SUGCT: variants seen among roughly 807,000 people sequenced by gnomAD.
The protein encoded by SUGCT is succinyl-CoA:glutarate-CoA transferase.
SUGCT carries 41 observed loss-of-function variants against 55.0 expected under a neutral mutation model. The ratio of observed to expected loss-of-function variants is 0.74; its 90% confidence interval spans 0.58 to 0.97. The LOEUF is 0.97. SUGCT is among the 50% of genes least tolerant of loss of function. SUGCT has a pLI of 0.00. For missense variants in SUGCT, 568 were observed against 547.8 expected, an observed-to-expected ratio of 1.04 and a Z score of -0.37; for synonymous variants, 187 against 200.4, an observed-to-expected ratio of 0.93 and a Z score of 0.56.
At chr7:40,850,996 G>A (rs1160176195) in intron 13 of SUGCT, among the ~76,000 whole-genome samples, 2 of 152,120 alleles carry the variant, frequency 1.3e-5, no homozygotes, top group South Asian at 2.1e-4. Flanking sequence ...TAAGAAGCAA[G>A]GTTTTTAATT....
intron 12 of SUGCT, among the ~76,000 whole-genome samples, chr7:40,562,820 C>T (rs142703608): frequency 2.0e-5 from 3 of 152,196 alleles, no homozygotes; most frequent in Admixed American, 6.5e-5. Context: ...ACTGGGGGCA[C>T]GGCCACACCA....
chr7:40,504,661 T>C (rs1471207327), intron 12 of SUGCT, among the ~76,000 whole-genome samples: 2 of 152,130 alleles, frequency 1.3e-5, no homozygotes, highest in Non-Finnish European at 2.9e-5. Flanking sequence ...CTCGAACTCC[T>C]GGCCTCAAAT....
chr7:40,268,938 A>G (rs951464538), intron 7 of SUGCT, among the ~76,000 whole-genome samples: 1 of 152,318 alleles, frequency 6.6e-6, no homozygotes, highest in South Asian at 2.1e-4. Flanking sequence ...TGCCCAGCCC[A>G]TGCTTTCATT....
At chr7:40,806,545 T>A (rs1584468641) in intron 13 of SUGCT, among the ~76,000 whole-genome samples, 2 of 152,312 alleles carry the variant, frequency 1.3e-5, no homozygotes, top group East Asian at 3.9e-4. Flanking sequence ...CTGAATGATC[T>A]TGTTGTCTTA....
chr7:40,803,560 A>T (rs1451006200), intron 13 of SUGCT, among the ~76,000 whole-genome samples: 1 of 152,094 alleles, frequency 6.6e-6, no homozygotes, highest in Non-Finnish European at 1.5e-5. Context: ...CTCTTCCCTC[A>T]TATTGCATCT....
In SUGCT at chr7:40,715,132, T is replaced by TA. The variant is rs1219351270; in HGVS notation, c.1090-34293dup. ...TCACACTTTTAATTCCACTGAAACA[T>TA]AAAAAAAAATAAACTCTCTCCTTTG... On this transcript the variant is annotated intron_variant, in intron 12 of 13. Transcript: ENST00000335693. 4.6e-5 allele frequency among the ~76,000 whole-genome samples: 7 copies of TA among 151,184 alleles called. No homozygotes were observed. The East Asian group carries it at 5.8e-4, about 13-fold the overall frequency.
At chr7:40,765,040 A>T (rs944936639) in intron 13 of SUGCT, among the ~76,000 whole-genome samples, 1 of 152,208 alleles carries the variant, frequency 6.6e-6, no homozygotes, top group Non-Finnish European at 1.5e-5. Context: ...GAGTCCCTAC[A>T]TTCTCAGAAT....
the SUGCT span, among the ~76,000 whole-genome samples, chr7:40,875,270 G>A: frequency 1.3e-5 from 2 of 152,228 alleles, no homozygotes; most frequent in Non-Finnish European, 2.9e-5. Context: ...CACTTTCTCA[G>A]AAATCTTTCT....
At chr7:40,999,472 C>T in the SUGCT span, among the ~76,000 whole-genome samples, 5 of 152,162 alleles carry the variant, frequency 3.3e-5, no homozygotes, top group African/African-American at 9.7e-5. Context: ...GTGTTAGAGA[C>T]GTACTTCCTA....
At chr7:40,871,314 T>C in the SUGCT span, among the ~76,000 whole-genome samples, 1 of 152,210 alleles carries the variant, frequency 6.6e-6, no homozygotes. Flanking sequence ...ACTAGCATGC[T>C]ACATGTCTGA....
chr7:40,293,447 T>A (rs893045989), intron 8 of SUGCT, among the ~76,000 whole-genome samples: 24 of 152,208 alleles, frequency 1.6e-4, no homozygotes, highest in African/African-American at 5.8e-4. Context: ...TACTGAGGTT[T>A]TAAAAATCTC....
At chr7:40,291,704 G>A (rs928075095) in intron 8 of SUGCT, among the ~76,000 whole-genome samples, 5 of 151,816 alleles carry the variant, frequency 3.3e-5, no homozygotes, top group African/African-American at 7.3e-5. Context: ...TTATGTGAAT[G>A]TGGTCTGTCT....
chr7:40,646,673 T>A (rs532148950), intron 12 of SUGCT, among the ~76,000 whole-genome samples: 1 of 152,296 alleles, frequency 6.6e-6, no homozygotes, highest in East Asian at 1.9e-4. Context: ...TTGAAGTTTT[T>A]AATTTATTGT....
intron 12 of SUGCT, among the ~76,000 whole-genome samples, chr7:40,692,389 A>G (rs913599839): frequency 6.6e-6 from 1 of 152,206 alleles, no homozygotes; most frequent in Non-Finnish European, 1.5e-5. Context: ...TAGAATAGGG[A>G]AATGAAGAAG....
intron 11 of SUGCT, among the ~76,000 whole-genome samples, chr7:40,479,783 CT>C (rs1562805944): frequency 6.6e-6 from 1 of 152,084 alleles, no homozygotes; most frequent in African/African-American, 2.4e-5. Context: ...AGTTGAGCAC[CT>C]TTTTATATAT....
chr7:40,498,218 G>C (rs182123900), intron 12 of SUGCT, among the ~76,000 whole-genome samples: 31 of 152,232 alleles, frequency 2.0e-4, no homozygotes, highest in African/African-American at 6.3e-4. Context: ...GTAAATTTGT[G>C]TAAAACAGAT....
the SUGCT span, among the ~76,000 whole-genome samples, chr7:40,943,982 T>G: frequency 3.3e-4 from 50 of 150,484 alleles, no homozygotes; most frequent in Middle Eastern, 3.4e-3. Flanking sequence ...CTAACTGGTG[T>G]GAGATGGTAT....
intron 12 of SUGCT, among the ~76,000 whole-genome samples, chr7:40,572,076 A>G (rs1459885004): frequency 6.6e-6 from 1 of 152,094 alleles, no homozygotes; most frequent in Non-Finnish European, 1.5e-5. Flanking sequence ...CGAATGTGGC[A>G]TCTTGTTTCC....
intron 8 of SUGCT, among the ~76,000 whole-genome samples, chr7:40,282,696 C>T (rs1305910438): frequency 6.6e-6 from 1 of 151,614 alleles, no homozygotes; most frequent in African/African-American, 2.4e-5. Flanking sequence ...ATAATGAGAC[C>T]CTGTCTATAC....
Sources: gnomAD v4.1 joint callset for allele counts (sites outside exome capture counted in the v4.1 genomes callset) on GRCh38, gnomAD v4.1.1 for gene constraint, MANE v1.5 for transcripts, NCBI Gene and HGNC (gene_info 2026-07-23, HGNC 2026-07-21) for gene names.